The following RRAGD variants were observed in gnomAD, a reference collection of about 807,000 sequenced individuals.
RRAGD encodes the protein ras-related GTP-binding protein D.
A neutral mutation model predicts 35.5 loss-of-function variants in RRAGD; 12 were observed. The observed-to-expected ratio is 0.34, with a 90% CI of 0.22 to 0.55. RRAGD has a LOEUF of 0.55. Ranked by LOEUF, RRAGD falls within the 20% of genes least tolerant of loss-of-function variation. The probability of loss-of-function intolerance (pLI) is 0.91; values close to 1 mark genes in which losing one functional copy is unlikely to be tolerated. For synonymous variants in RRAGD, 155 were observed against 178.9 expected (o/e 0.87, Z 1.07); for missense variants, 324 against 490.1 (o/e 0.66, Z 3.20).
At chr6:89,399,977 G>A (rs35741121) in intron 1 of RRAGD, among the ~76,000 whole-genome samples, 7,951 of 152,088 alleles carry the variant, frequency 0.052, 303 homozygotes, top group Non-Finnish European at 0.081. Context: ...GAGGAATCTC[G>A]GGGAAGTAAA....
At chr6:89,377,124 T>C (rs752326499) in intron 5 of RRAGD, among the ~76,000 whole-genome samples, 103 of 152,236 alleles carry the variant, frequency 6.8e-4, no homozygotes, top group Admixed American at 2.0e-3. Flanking sequence ...GCGTAATACA[T>C]AACATACAAA....
intron 1 of RRAGD, among the ~76,000 whole-genome samples, chr6:89,404,884 AG>A: frequency 6.6e-6 from 1 of 152,320 alleles, no homozygotes; most frequent in Admixed American, 6.5e-5. Flanking sequence ...ACAGCTCTTA[AG>A]GTTGGCCCTG....
At chr6:89,385,734 C>T (rs1352519158) in intron 2 of RRAGD, among the ~76,000 whole-genome samples, 1 of 152,182 alleles carries the variant, frequency 6.6e-6, no homozygotes, top group Non-Finnish European at 1.5e-5. Context: ...CCCTCCTCCA[C>T]ACCCCTACCA....
At chr6:89,395,945 T>C (rs1299757295) in intron 1 of RRAGD, among the ~76,000 whole-genome samples, 1 of 146,578 alleles carries the variant, frequency 6.8e-6, no homozygotes, top group Admixed American at 6.8e-5. Context: ...AAATGACTGA[T>C]GGACCAACTG....
intron 3 of RRAGD, among the ~76,000 whole-genome samples, chr6:89,379,860 A>G (rs1373516254): frequency 6.6e-6 from 1 of 152,210 alleles, no homozygotes; most frequent in Non-Finnish European, 1.5e-5. Context: ...CTTTATCAAG[A>G]ACTGTAAACT....
chr6:89,380,681 G>C (rs1224963631), intron 2 of RRAGD, among the ~76,000 whole-genome samples: 3 of 152,180 alleles, frequency 2.0e-5, no homozygotes, highest in East Asian at 3.9e-4. Flanking sequence ...GCCCAGGCAG[G>C]TGGATCATGA....
chr6:89,375,472 C>T (rs1289013435), intron 5 of RRAGD, among the ~76,000 whole-genome samples: 4 of 152,094 alleles, frequency 2.6e-5, no homozygotes, highest in African/African-American at 7.2e-5. Flanking sequence ...CATATATGTG[C>T]GTGTGCATGT....
chr6:89,396,215 A>G (rs1173571230), intron 1 of RRAGD, among the ~76,000 whole-genome samples: 2 of 152,156 alleles, frequency 1.3e-5, no homozygotes, highest in African/African-American at 4.8e-5. Flanking sequence ...TACAAAAATG[A>G]AGAATTTGTT....
intron 1 of RRAGD, among the ~76,000 whole-genome samples, chr6:89,398,030 G>C (rs1769373780): frequency 6.6e-6 from 1 of 151,938 alleles, no homozygotes; most frequent in South Asian, 2.1e-4. Context: ...ACCTGTAATT[G>C]CAGCTACTTG....
At chr6:89,381,839 G>C (rs187061087) in intron 2 of RRAGD, among the ~76,000 whole-genome samples, 37 of 152,246 alleles carry the variant, frequency 2.4e-4, no homozygotes, top group Admixed American at 2.1e-3. Flanking sequence ...TATATGTACA[G>C]TCTCATGTAC....
At position 89,368,735 on chromosome 6, in the gene RRAGD, G is replaced by T. The variant is rs145756845; in HGVS notation, c.1052-528C>A. 1.1e-3 allele frequency among the ~76,000 whole-genome samples: 169 copies of T among 152,196 alleles called. No individual in the cohort carries two copies. The Middle Eastern group carries it at 0.017, about 15-fold the overall frequency. On this transcript the variant is annotated intron_variant, in intron 6 of 6. Transcript: ENST00000369415. ...ATTTTAGAGTGTTAACAGTCATCTCGCCAACTCCAGCAGAAATTCAACAAC... is the reference window on the plus strand; with the variant it reads ...ATTTTAGAGTGTTAACAGTCATCTCTCCAACTCCAGCAGAAATTCAACAAC...
chr6:89,395,625 C>G (rs1402251021), intron 1 of RRAGD, among the ~76,000 whole-genome samples: 3 of 152,168 alleles, frequency 2.0e-5, no homozygotes. Context: ...ATTGTGATTT[C>G]AACTCCACAT....
rs1244006262 is a variant in RRAGD at position 89,373,026 on chromosome 6, A to T, written c.903-441T>A. On this transcript the variant is annotated intron_variant, in intron 5 of 6. Transcript: ENST00000369415. ...TAGACTGGATCCTGAATTGGGAAAA[A>T]CTGCTATAAAAGATAGAATTGGGAC... 1.5e-4 allele frequency among the ~76,000 whole-genome samples: 23 copies of T among 152,346 alleles called. No individual in the cohort carries two copies. In the East Asian group the frequency reaches 3.9e-3, roughly 26 times the overall value.
chr6:89,412,268 G>A lies in RRAGD; in HGVS notation c.-275C>T, dbSNP rs1343278047. 1 of 230,528 alleles carries A rather than the reference G, an allele frequency of 4.3e-6. No homozygotes were observed. The highest frequency in any genetic ancestry group is 1.8e-4 in the South Asian group (1 of 5,626). 14.3% of individuals were successfully genotyped at this position (230,528 alleles called of 1,614,324 possible). A position where few individuals can be genotyped will look rare whatever the true frequency, so the allele number is the denominator to read the frequency against. ...TCCTCCCGGAGGAGGGAGAGAGAGAGAGACTGCGTGACCCGAGTCACCTGA... is the reference window on the plus strand; with the variant it reads ...TCCTCCCGGAGGAGGGAGAGAGAGAAAGACTGCGTGACCCGAGTCACCTGA... On this transcript the variant is annotated 5_prime_UTR_variant, in exon 1 of 7. Coordinates refer to ENST00000369415, the MANE Select transcript of RRAGD (RefSeq NM_021244.5). The surrounding 1 kb of genome is among the most constrained non-coding windows in gnomAD (Gnocchi z 4.2).
intron 1 of RRAGD, among the ~76,000 whole-genome samples, chr6:89,401,994 G>C (rs1284555092): frequency 4.8e-5 from 7 of 146,802 alleles, no homozygotes; most frequent in Admixed American, 2.7e-4. Context: ...GGTGATACTG[G>C]GAAGTTTGGA....
chr6:89,393,564 C>T (rs1450145226), intron 1 of RRAGD, among the ~76,000 whole-genome samples: 1 of 152,210 alleles, frequency 6.6e-6, no homozygotes, highest in Non-Finnish European at 1.5e-5. Context: ...GAAGCATCCC[C>T]ACTACTGCCC....
intron 2 of RRAGD, among the ~76,000 whole-genome samples, chr6:89,385,647 G>A (rs1296795831): frequency 1.3e-5 from 2 of 152,184 alleles, no homozygotes; most frequent in African/African-American, 4.8e-5. Flanking sequence ...CGTGGTGCAG[G>A]TAACACGTGT....
chr6:89,367,951 C>A lies in RRAGD; in HGVS notation c.*105G>T. ...GAATTTTTTTTTTTTAACAACAAAT[C>A]AATGGTATGTGTCCCAATCTCCTTC... On this transcript the variant is annotated 3_prime_UTR_variant, in exon 7 of 7. Transcript: ENST00000369415. 1 of 991,412 alleles carries A rather than the reference C, an allele frequency of 1.0e-6. No homozygotes were observed. Among genetic ancestry groups the A allele is most frequent in the Non-Finnish European group, 1.4e-6 (1 of 711,762 alleles). The allele number at this position is 991,412 out of a possible 1,614,324, so 61.4% of individuals were successfully genotyped here.
At chr6:89,400,138 T>G (rs1769429648) in intron 1 of RRAGD, among the ~76,000 whole-genome samples, 2 of 152,168 alleles carry the variant, frequency 1.3e-5, no homozygotes, top group Non-Finnish European at 2.9e-5. Context: ...CCTTGAGGTG[T>G]TCTACAAAAT....
Sources: gnomAD v4.1 joint callset for allele counts (sites outside exome capture counted in the v4.1 genomes callset) on GRCh38, gnomAD v4.1.1 for gene constraint, Gnocchi (gnomAD v3.1) non-coding constraint, MANE v1.5 for transcripts, NCBI Gene and HGNC (gene_info 2026-07-23, HGNC 2026-07-21) for gene names.